The following MEI4 variants were observed in gnomAD, a reference collection of about 807,000 sequenced individuals.
MEI4 encodes the protein meiotic double-stranded break formation protein 4.
MEI4 carries 27 observed loss-of-function variants against 31.4 expected under a neutral mutation model. That is an observed-to-expected ratio of 0.86 (90% CI 0.63 to 1.19). The LOEUF (loss-of-function observed/expected upper bound fraction) is 1.19. MEI4 is among the 50% of genes most tolerant of loss of function. MEI4 has a pLI of 0.00. For synonymous variants in MEI4, 122 were observed against 145.4 expected (o/e 0.84, Z 1.16); for missense variants, 329 against 398.9 (o/e 0.82, Z 1.49).
chr6:77,876,388 C>G (rs1235152029), intron 4 of MEI4, among the ~76,000 whole-genome samples: 1 of 152,140 alleles, frequency 6.6e-6, no homozygotes, highest in Non-Finnish European at 1.5e-5. Context: ...ATAAGTTCAG[C>G]TCCATTTTCT....
At chr6:77,745,492 GAGACTT>G (rs1454615916) in intron 2 of MEI4, among the ~76,000 whole-genome samples, 3 of 152,122 alleles carry the variant, frequency 2.0e-5, no homozygotes, top group Admixed American at 2.0e-4. Flanking sequence ...AACCTACATA[GAGACTT>G]AGACTCCCAC....
chr6:77,695,032 C>T (rs1462602245), intron 2 of MEI4, among the ~76,000 whole-genome samples: 2 of 152,106 alleles, frequency 1.3e-5, no homozygotes, highest in Non-Finnish European at 2.9e-5. Context: ...AGCATTTTTT[C>T]ATATGTCTTT....
chr6:77,859,398 G>A (rs1489268339), intron 4 of MEI4, among the ~76,000 whole-genome samples: 2 of 152,100 alleles, frequency 1.3e-5, no homozygotes, highest in South Asian at 2.1e-4. Context: ...CAGATTGCTG[G>A]GTCAAATGGT....
chr6:77,675,553 A>G (rs1768828585), intron 1 of MEI4, among the ~76,000 whole-genome samples: 1 of 151,894 alleles, frequency 6.6e-6, no homozygotes. Context: ...TTTTTAAAAA[A>G]AAGGTTGAGT....
At chr6:77,735,026 C>G (rs1310568348) in intron 2 of MEI4, among the ~76,000 whole-genome samples, 1 of 152,020 alleles carries the variant, frequency 6.6e-6, no homozygotes, top group Non-Finnish European at 1.5e-5. Flanking sequence ...ATGGGCTTCC[C>G]CTTGTGGGTA....
At chr6:77,840,245 A>G (rs996544830) in intron 4 of MEI4, among the ~76,000 whole-genome samples, 1 of 152,216 alleles carries the variant, frequency 6.6e-6, no homozygotes, top group Non-Finnish European at 1.5e-5. Flanking sequence ...GCCCAAGGGC[A>G]GAATAGAGAT....
chr6:77,790,044 G>A (rs1582145077), intron 3 of MEI4, among the ~76,000 whole-genome samples: 1 of 152,012 alleles, frequency 6.6e-6, no homozygotes, highest in Admixed American at 6.6e-5. Context: ...AGAAAATGTG[G>A]CACATATACA....
chr6:77,846,706 T>C (rs867496012), intron 4 of MEI4, among the ~76,000 whole-genome samples: 2 of 152,226 alleles, frequency 1.3e-5, no homozygotes, highest in African/African-American at 4.8e-5. Flanking sequence ...GAGCAGGTTG[T>C]GGCACTTGTG....
Position 77,742,611 on chromosome 6 carries a change from G to A in MEI4, c.233-18519G>A, listed in dbSNP as rs115814670. Among the ~76,000 whole-genome samples, 1,199 of 152,230 alleles carry A rather than the reference G, an allele frequency of 7.9e-3. 19 individuals carry two copies. The highest frequency in any genetic ancestry group is 0.028 in the African/African-American group (1,148 of 41,530). On this transcript the variant is annotated intron_variant, in intron 2 of 4. Transcript: ENST00000684080. Reference sequence around the variant, plus strand: ...ACGTAGTTTCTTTTGCTGTGCAGACGCTCTCTAGTTTAGTTAGATCCCATT... The same window carrying A: ...ACGTAGTTTCTTTTGCTGTGCAGACACTCTCTAGTTTAGTTAGATCCCATT...
intron 4 of MEI4, among the ~76,000 whole-genome samples, chr6:77,841,854 A>G (rs1582204276): frequency 6.6e-6 from 1 of 152,296 alleles, no homozygotes; most frequent in South Asian, 2.1e-4. Context: ...GAGAGATATT[A>G]CATAATGAGA....
intron 3 of MEI4, among the ~76,000 whole-genome samples, chr6:77,826,210 T>C (rs1440758535): frequency 6.6e-6 from 1 of 152,228 alleles, no homozygotes; most frequent in Non-Finnish European, 1.5e-5. Context: ...GTTCTGGATA[T>C]ACACTTACTT....
intron 4 of MEI4, among the ~76,000 whole-genome samples, chr6:77,869,893 G>C (rs1223740026): frequency 6.6e-6 from 1 of 152,042 alleles, no homozygotes; most frequent in Non-Finnish European, 1.5e-5. Flanking sequence ...GGTAAAAGTG[G>C]GTACTCAATA....
intron 4 of MEI4, among the ~76,000 whole-genome samples, chr6:77,843,180 T>A (rs957605731): frequency 6.6e-6 from 1 of 151,780 alleles, no homozygotes; most frequent in Non-Finnish European, 1.5e-5. Context: ...CTCTAAATTA[T>A]GCTATGCCTT....
At chr6:77,883,832 G>A (rs1771559593) in intron 4 of MEI4, among the ~76,000 whole-genome samples, 1 of 149,178 alleles carries the variant, frequency 6.7e-6, no homozygotes, top group South Asian at 2.1e-4. Flanking sequence ...AGTGAACAGT[G>A]GGGGTGCATG....
intron 4 of MEI4, among the ~76,000 whole-genome samples, chr6:77,910,844 G>A (rs1420806905): frequency 6.6e-6 from 1 of 150,520 alleles, no homozygotes. Context: ...TCACCATACT[G>A]CTTTCCATGG....
intron 3 of MEI4, among the ~76,000 whole-genome samples, chr6:77,775,763 G>T (rs1391572495): frequency 6.6e-6 from 1 of 152,104 alleles, no homozygotes; most frequent in Non-Finnish European, 1.5e-5. Context: ...GTTCTTTAAA[G>T]AATCTCCAAA....
At chr6:77,702,347 G>A (rs192221100) in intron 2 of MEI4, among the ~76,000 whole-genome samples, 11 of 152,286 alleles carry the variant, frequency 7.2e-5, no homozygotes, top group East Asian at 1.9e-4. Flanking sequence ...AATTCAATGC[G>A]TAAGCATTTC....
chr6:77,785,730 G>C (rs774400996), intron 3 of MEI4, among the ~76,000 whole-genome samples: 1 of 152,072 alleles, frequency 6.6e-6, no homozygotes, highest in African/African-American at 2.4e-5. Flanking sequence ...ATTTCAGTTT[G>C]CTTTTCTTCG....
intron 4 of MEI4, among the ~76,000 whole-genome samples, chr6:77,861,452 G>C (rs1212705291): frequency 1.3e-5 from 2 of 151,914 alleles, no homozygotes; most frequent in Non-Finnish European, 2.9e-5. Context: ...AACTATTTTT[G>C]TCAACATAGA....
Sources: gnomAD v4.1 joint callset for allele counts (sites outside exome capture counted in the v4.1 genomes callset) on GRCh38, gnomAD v4.1.1 for gene constraint, MANE v1.5 for transcripts, NCBI Gene and HGNC (gene_info 2026-07-23, HGNC 2026-07-21) for gene names.